The following SNX4 variants were observed in gnomAD, a reference collection of about 807,000 sequenced individuals.
SNX4 encodes the protein sorting nexin 4.
A neutral mutation model predicts 70.8 loss-of-function variants in SNX4; 49 were observed. The ratio of observed to expected loss-of-function variants is 0.69; its 90% CI spans 0.55 to 0.88. The LOEUF (loss-of-function observed/expected upper bound fraction) is 0.88. Among genes scored for constraint, SNX4 ranks in the 40% least tolerant of loss-of-function variants. The pLI is 0.00. For missense variants in SNX4, 528 were observed against 544.8 expected, an observed-to-expected ratio of 0.97 and a Z score of 0.31; for synonymous variants, 206 against 183.8, an observed-to-expected ratio of 1.12 and a Z score of -0.98.
chr3:125,511,134 G>A (rs576049438), intron 1 of SNX4, among the ~76,000 whole-genome samples: 1 of 151,982 alleles, frequency 6.6e-6, no homozygotes, highest in South Asian at 2.1e-4. Context: ...GGCTGGTCTC[G>A]AACTCCCAAC....
At chr3:125,506,817 T>TAAAAAAAA (rs71148182) in intron 1 of SNX4, among the ~76,000 whole-genome samples, 9 of 26,826 alleles carry the variant, frequency 3.4e-4, no homozygotes, top group Non-Finnish European at 4.7e-4. Flanking sequence ...GTGGAGAAAG[T>TAAAAAAAA]AAAAAAAAAA....
chr3:125,519,599 G>A (rs1054018183), intron 1 of SNX4, among the ~76,000 whole-genome samples: 2 of 151,936 alleles, frequency 1.3e-5, no homozygotes, highest in Non-Finnish European at 2.9e-5. Flanking sequence ...TCCCCACTGT[G>A]TCCCTTTAAG....
At chr3:125,487,238 T>C (rs1329652554) in intron 6 of SNX4, among the ~76,000 whole-genome samples, 2 of 152,164 alleles carry the variant, frequency 1.3e-5, no homozygotes, top group African/African-American at 4.8e-5. Context: ...TATACACAAT[T>C]ATCCAGAATT....
Position 125,446,991 on chromosome 3 carries a change from C to G in SNX4, c.*788G>C, listed in dbSNP as rs558134460. ...CACATTGAAATGCTACATCTTATAC[C>G]CTGAAATGCCATGTGTAGAGAGCCA... On this transcript the variant is annotated 3_prime_UTR_variant, in exon 14 of 14. Transcript: ENST00000251775. The G allele has an allele frequency of 6.6e-6, 1 of 152,330 alleles. No homozygotes were observed. The highest frequency in any genetic ancestry group is 2.1e-4 in the South Asian group (1 of 4,812). The allele number at this position is 152,330 out of a possible 1,614,324, so 9.4% of individuals were successfully genotyped here.
chr3:125,499,301 G>A (rs1408053649), intron 2 of SNX4, among the ~76,000 whole-genome samples: 1 of 152,122 alleles, frequency 6.6e-6, no homozygotes, highest in Non-Finnish European at 1.5e-5. Flanking sequence ...TAACCTGTTT[G>A]CCCTCCATGA....
At chr3:125,495,277 T>TATATATATATATACAC in intron 5 of SNX4, among the ~76,000 whole-genome samples, 2,175 of 99,372 alleles carry the variant, frequency 0.022, 126 homozygotes, top group Admixed American at 0.054. Context: ...TATATATATA[T>TATATATATATATACAC]ACACATACAC....
chr3:125,520,106 G>A lies in SNX4; in HGVS notation c.67C>T (p.Pro23Ser), dbSNP rs1222722667. Residue 23 changes from proline to serine, a missense_variant, in exon 1 of 14, where the codon CCA becomes TCA. Pro to Ser is a moderately conservative substitution (Grantham distance 74, BLOSUM62 -1). Around this residue, in one of 3 missense-constraint regions of SNX4, gnomAD observed 341 missense variants for 312.2 expected, o/e 1.09. Transcript: ENST00000251775. ...QPAPLEPLGS[P>S]DAGLGAAVGK... is the part of the protein sequence containing the mutation. ...ACCGCAGCCCCCAGCCCAGCGTCTG[G>A]GGAGCCCAGCGGCTCCAAGGGCGCC... is the stretch of plus-strand genomic sequence containing the variant. 4.6e-6 allele frequency: 7 copies of A among 1,508,828 alleles called. No homozygotes were observed. Among genetic ancestry groups the A allele is most frequent in the Admixed American group, 2.3e-5 (1 of 43,910 alleles). 93.5% of individuals were successfully genotyped at this position (1,508,828 alleles called of 1,614,324 possible).
chr3:125,490,272 C>T (rs1934622960), intron 5 of SNX4, among the ~76,000 whole-genome samples: 1 of 151,716 alleles, frequency 6.6e-6, no homozygotes, highest in African/African-American at 2.4e-5. Flanking sequence ...CGGTGGCTCA[C>T]GCTTGTAATC....
intron 2 of SNX4, among the ~76,000 whole-genome samples, chr3:125,501,829 T>C (rs1305332966): frequency 2.6e-5 from 4 of 152,230 alleles, no homozygotes; most frequent in African/African-American, 9.6e-5. Context: ...ATAATCCTTT[T>C]GTGTGCCACA....
Position 125,520,084 on chromosome 3 carries a change from G to T in SNX4, c.89C>A (p.Ala30Glu). 2 of 1,539,182 alleles carry T rather than the reference G, an allele frequency of 1.3e-6. No individual in the cohort carries two copies. Among genetic ancestry groups the T allele is most frequent in the African/African-American group, 1.4e-5 (1 of 69,464 alleles). ...GGCCCCCTCCGCTTCCTTGCCGACC[G>T]CAGCCCCCAGCCCAGCGTCTGGGGA... Reference protein sequence around the residue: ...LGSPDAGLGAAVGKEAEGAGE... With the variant: ...LGSPDAGLGAEVGKEAEGAGE... Residue 30 changes from alanine to glutamate, a missense_variant, in exon 1 of 14, where the codon GCG becomes GAG. Coordinates refer to ENST00000251775, the MANE Select transcript of SNX4 (RefSeq NM_003794.4).
intron 9 of SNX4, among the ~76,000 whole-genome samples, chr3:125,465,285 ACCC>A (rs751704731): frequency 8.0e-5 from 12 of 150,342 alleles, no homozygotes; most frequent in Non-Finnish European, 1.8e-4. Context: ...CACTCTTGTC[ACCC>A]AGGCTGGAGT....
intron 5 of SNX4, among the ~76,000 whole-genome samples, chr3:125,489,687 A>G (rs1934608289): frequency 6.6e-6 from 1 of 152,260 alleles, no homozygotes; most frequent in Non-Finnish European, 1.5e-5. Flanking sequence ...CAATGGTACC[A>G]AAGTAAAACA....
intron 1 of SNX4, among the ~76,000 whole-genome samples, chr3:125,519,080 A>C (rs897851592): frequency 9.9e-5 from 15 of 152,050 alleles, no homozygotes; most frequent in Non-Finnish European, 2.2e-4. Flanking sequence ...AGTCCTAGCT[A>C]CTCAGGAGGC....
At chr3:125,452,036 G>A (rs1933586832) in intron 12 of SNX4, among the ~76,000 whole-genome samples, 1 of 152,038 alleles carries the variant, frequency 6.6e-6, no homozygotes, top group Non-Finnish European at 1.5e-5. Flanking sequence ...CAGTCACAAT[G>A]AAGTAAGTGC....
chr3:125,472,442 C>T (rs1159650101), intron 8 of SNX4, among the ~76,000 whole-genome samples: 2 of 151,772 alleles, frequency 1.3e-5, no homozygotes, highest in Non-Finnish European at 2.9e-5. Context: ...ATGTTTTCAT[C>T]ATGGATATTG....
intron 12 of SNX4, among the ~76,000 whole-genome samples, chr3:125,451,986 T>C (rs1027523262): frequency 6.6e-6 from 1 of 152,194 alleles, no homozygotes; most frequent in Non-Finnish European, 1.5e-5. Context: ...AAAATACACA[T>C]AGATGACTCC....
At chr3:125,499,635 G>C (rs1934880563) in intron 2 of SNX4, among the ~76,000 whole-genome samples, 1 of 151,892 alleles carries the variant, frequency 6.6e-6, no homozygotes, top group Admixed American at 6.6e-5. Flanking sequence ...AAAAATACTT[G>C]GGTTAATCTC....
chr3:125,463,460 A>G (rs1933932067), intron 9 of SNX4, among the ~76,000 whole-genome samples: 1 of 152,212 alleles, frequency 6.6e-6, no homozygotes, highest in South Asian at 2.1e-4. Flanking sequence ...CTCAGTACTC[A>G]GAATTTTATT....
intron 11 of SNX4, 23 bp downstream of exon 11, chr3:125,457,243 G>C (rs757364659): frequency 6.4e-7 from 1 of 1,552,526 alleles, no homozygotes; most frequent in East Asian, 2.2e-5. Context: ...AGTATCATCA[G>C]AGGCCAAAAG....
Sources: allele counts gnomAD v4.1 joint callset (sites outside exome capture counted in the v4.1 genomes callset), GRCh38; gene constraint gnomAD v4.1.1; regional missense constraint gnomAD v4.1.1; transcripts MANE v1.5; gene names NCBI Gene and HGNC (gene_info 2026-07-23, HGNC 2026-07-21).